The following IST1 variants were observed in gnomAD, a reference collection of about 807,000 sequenced individuals.
IST1 encodes the protein IST1 homolog.
Under a neutral mutation model 37.0 loss-of-function variants are expected in IST1, and 23 were observed. The observed-to-expected ratio is 0.62, with a 90% CI of 0.45 to 0.88. The LOEUF (loss-of-function observed/expected upper bound fraction) is 0.88, where lower values mean the gene tolerates loss of function less well. IST1 is among the 40% of genes least tolerant of loss of function. IST1 has a pLI of 0.00. For missense variants in IST1, 488 were observed against 445.4 expected, an observed-to-expected ratio of 1.10 and a Z score of -0.86; for synonymous variants, 180 against 161.7, an observed-to-expected ratio of 1.11 and a Z score of -0.86.
intron 1 of IST1, among the ~76,000 whole-genome samples, chr16:71,907,921 A>C (rs1028989652): frequency 6.6e-6 from 1 of 152,188 alleles, no homozygotes; most frequent in Non-Finnish European, 1.5e-5. Context: ...AGCAAGGATT[A>C]GTTCTGAGAT....
At chr16:71,922,825 A>G (rs985368128) in intron 7 of IST1, 145 bp downstream of exon 7, 1 of 673,460 alleles carries the variant, frequency 1.5e-6, no homozygotes, top group African/African-American at 1.8e-5. Context: ...TCTTGTGGGG[A>G]AAAAACACAT....
chr16:71,922,551 A>G lies in IST1; in HGVS notation c.630A>G (p.Gly210=). The G allele has an allele frequency of 6.2e-7, 1 of 1,614,152 alleles. No homozygotes were observed. The highest frequency in any genetic ancestry group is 2.2e-5 in the East Asian group (1 of 44,882). ...FTDDVKKGGP[G]RGGSGGFTAP... Reference sequence around the variant, plus strand: ...ATGATGTGAAGAAAGGAGGCCCTGGAAGAGGAGGGAGTGGTGGCTTCACAG... The same window carrying G: ...ATGATGTGAAGAAAGGAGGCCCTGGGAGAGGAGGGAGTGGTGGCTTCACAG... Residue 210 remains glycine (G), a synonymous_variant, in exon 7 of 10, where the codon GGA becomes GGG. Coordinates refer to ENST00000378799, the MANE Select transcript of IST1 (RefSeq NM_001270975.2).
intron 7 of IST1, 78 bp downstream of exon 7, chr16:71,922,758 A>G (rs1005027028): frequency 6.6e-6 from 8 of 1,215,750 alleles, no homozygotes; most frequent in Non-Finnish European, 9.5e-6. Context: ...ACACTCAGGA[A>G]TCATAGGTTG....
chr16:71,927,990 CCTGAGA>C lies in IST1; in HGVS notation c.*180_*185del. The C allele has an allele frequency of 1.7e-6, 1 of 591,502 alleles. No homozygotes were observed. The highest frequency in any genetic ancestry group is 3.0e-6 in the Non-Finnish European group (1 of 332,438). The allele number at this position is 591,502 out of a possible 1,614,324, so 36.6% of individuals were successfully genotyped here. A position where few individuals can be genotyped will look rare whatever the true frequency, so the allele number is the denominator to read the frequency against. On this transcript the variant is annotated 3_prime_UTR_variant, in exon 10 of 10. Transcript: ENST00000378799. The stretch of plus-strand genomic sequence containing the variant: ...TGCTGCTTTCCAGTTCTCTGTTGAT[CCTGAGA>C]CTAACAATTGGAGACTGAGGCCAGA...
intron 1 of IST1, among the ~76,000 whole-genome samples, chr16:71,902,454 G>T (rs1421853978): frequency 6.6e-6 from 1 of 152,126 alleles, no homozygotes; most frequent in Non-Finnish European, 1.5e-5. Flanking sequence ...ATTTTTAGTA[G>T]AGATGGGGTT....
At chr16:71,900,727 C>A (rs907373950) in intron 1 of IST1, among the ~76,000 whole-genome samples, 1 of 151,752 alleles carries the variant, frequency 6.6e-6, no homozygotes, top group Non-Finnish European at 1.5e-5. Context: ...AGTTCATAAC[C>A]ATTTTTTAGA....
chr16:71,924,499 G>T, intron 8 of IST1: 1 of 551,084 alleles, frequency 1.8e-6, no homozygotes, highest in Middle Eastern at 4.8e-4. Flanking sequence ...GCTGAGGCGG[G>T]GCAATGGCTG....
intron 1 of IST1, among the ~76,000 whole-genome samples, chr16:71,906,809 A>C (rs1440292790): frequency 6.6e-6 from 1 of 152,092 alleles, no homozygotes; most frequent in Non-Finnish European, 1.5e-5. Context: ...TGAAATCTAC[A>C]GTCATTTAAT....
chr16:71,907,223 C>T (rs1468609320), intron 1 of IST1, among the ~76,000 whole-genome samples: 3 of 147,822 alleles, frequency 2.0e-5, no homozygotes, highest in African/African-American at 7.5e-5. Context: ...TGAGAAAGGC[C>T]ATATTTTAAA....
chr16:71,927,991 C>G lies in IST1; in HGVS notation c.*178C>G. On this transcript the variant is annotated 3_prime_UTR_variant, in exon 10 of 10. Coordinates refer to ENST00000378799, the MANE Select transcript of IST1 (RefSeq NM_001270975.2). ...GCTGCTTTCCAGTTCTCTGTTGATC[C>G]TGAGACTAACAATTGGAGACTGAGG... The G allele has an allele frequency of 1.7e-6, 1 of 589,452 alleles. No homozygotes were observed. Among genetic ancestry groups the G allele is most frequent in the Non-Finnish European group, 3.0e-6 (1 of 331,216 alleles). The allele number at this position is 589,452 out of a possible 1,614,324, so 36.5% of individuals were successfully genotyped here. A position where few individuals can be genotyped will look rare whatever the true frequency, so the allele number is the denominator to read the frequency against.
At chr16:71,922,922 A>T (rs1019459701) in intron 7 of IST1, 4 of 569,272 alleles carry the variant, frequency 7.0e-6, no homozygotes, top group Non-Finnish European at 1.2e-5. Flanking sequence ...GGTTTACTGA[A>T]TATCTTTGGG....
chr16:71,923,882 A>G (rs566699909), intron 8 of IST1, among the ~76,000 whole-genome samples: 123 of 152,350 alleles, frequency 8.1e-4, no homozygotes, highest in African/African-American at 2.8e-3. Flanking sequence ...AATAGCTAAT[A>G]TAATACCTCG....
intron 6 of IST1, chr16:71,921,681 G>T (rs886925306): frequency 1.5e-5 from 7 of 452,758 alleles, no homozygotes; most frequent in Non-Finnish European, 2.8e-5. Context: ...ATGTAAAATG[G>T]CACTATTATT....
chr16:71,924,556 A>G (rs2037691061), intron 8 of IST1: 2 of 595,540 alleles, frequency 3.4e-6, no homozygotes, highest in Admixed American at 5.9e-5. Context: ...GTATCACTGC[A>G]CTCCAGCCTG....
intron 1 of IST1, among the ~76,000 whole-genome samples, chr16:71,899,120 C>T (rs997086448): frequency 6.6e-6 from 1 of 152,076 alleles, no homozygotes; most frequent in African/African-American, 2.4e-5. Context: ...TTTTGATGGT[C>T]TCTGAATTCT....
intron 1 of IST1, among the ~76,000 whole-genome samples, chr16:71,911,929 G>C (rs1161434682): frequency 6.6e-6 from 1 of 151,912 alleles, no homozygotes; most frequent in African/African-American, 2.4e-5. Flanking sequence ...TGTTGCCCGG[G>C]CTGGTCTCAC....
Position 71,930,117 on chromosome 16 carries a change from C to G in IST1, c.*2304C>G. ...GCCGAAACGAAAAGATTAATTACCACAAGTACCATCAAGATGACACTGGTG... is the reference window on the plus strand; with the variant it reads ...GCCGAAACGAAAAGATTAATTACCAGAAGTACCATCAAGATGACACTGGTG... On this transcript the variant is annotated 3_prime_UTR_variant, in exon 10 of 10. Coordinates refer to ENST00000378799, the MANE Select transcript of IST1 (RefSeq NM_001270975.2). The G allele has an allele frequency of 1.3e-6, 2 of 1,551,650 alleles. No individual in the cohort carries two copies. The highest frequency in any genetic ancestry group is 8.7e-7 in the Non-Finnish European group (1 of 1,146,932).
Position 71,920,690 on chromosome 16 carries a change from G to GT in IST1, c.358-48dup, listed in dbSNP as rs781226136. On this transcript the variant is annotated intron_variant, in intron 4 of 9. Coordinates refer to ENST00000378799, the MANE Select transcript of IST1 (RefSeq NM_001270975.2). ...TGTTGCCAGGAAGAAGCTTAAAGCA[G>GT]TCCGTTGGAGTGGTCTCTATTTTTA... The GT allele has an allele frequency of 7.5e-6, 10 of 1,336,288 alleles. No homozygotes were observed. In the Admixed American group the frequency reaches 1.7e-4, roughly 23 times the overall value. 82.8% of individuals were successfully genotyped at this position (1,336,288 alleles called of 1,614,324 possible).
In IST1 at chr16:71,929,879, G is replaced by A; in HGVS notation, c.*2066G>A. 1.0e-6 allele frequency: 1 copy of A among 992,604 alleles called. No individual in the cohort carries two copies. Among genetic ancestry groups the A allele is most frequent in the Non-Finnish European group, 1.4e-6 (1 of 692,886 alleles). 61.5% of individuals were successfully genotyped at this position (992,604 alleles called of 1,614,324 possible). On this transcript the variant is annotated 3_prime_UTR_variant, in exon 10 of 10. Transcript: ENST00000378799. ...TAGGACAATGGCTATAGAATATTAT[G>A]TAGTCTTATAAATTGGGTTTCCTAG...
Sources: allele counts gnomAD v4.1 joint callset (sites outside exome capture counted in the v4.1 genomes callset), GRCh38; gene constraint gnomAD v4.1.1; transcripts MANE v1.5; gene names NCBI Gene and HGNC (gene_info 2026-07-23, HGNC 2026-07-21).